Variants in TGFB1 observed in about 807,000 individuals in gnomAD.
TGFB1 encodes the protein transforming growth factor beta-1 proprotein.
In TGFB1, 19 loss-of-function variants were observed where a neutral mutation model predicts 43.8. That is an observed-to-expected ratio of 0.43 (90% CI 0.30 to 0.64). The LOEUF (loss-of-function observed/expected upper bound fraction) is 0.64, where lower values mean the gene tolerates loss of function less well. Ranked by LOEUF, TGFB1 falls within the 30% of genes least tolerant of loss-of-function variation. The probability of loss-of-function intolerance (pLI) is 0.11; values close to 1 mark genes in which losing one functional copy is unlikely to be tolerated. For synonymous variants in TGFB1, 221 were observed against 236.3 expected, an observed-to-expected ratio of 0.94 and a Z score of 0.60; for missense variants, 445 against 529.8, an observed-to-expected ratio of 0.84 and a Z score of 1.57.
At chr19:41,335,473 G>A (rs904242319) in intron 5 of TGFB1, among the ~76,000 whole-genome samples, 9 of 152,164 alleles carry the variant, frequency 5.9e-5, no homozygotes, top group Admixed American at 5.2e-4. Flanking sequence ...CAGGACCAGC[G>A]GCAGCATCAC....
chr19:41,349,926 A>G (rs1475480723), intron 1 of TGFB1, among the ~76,000 whole-genome samples: 1 of 152,056 alleles, frequency 6.6e-6, no homozygotes, highest in Non-Finnish European at 1.5e-5. Context: ...CCAAGGTCAC[A>G]TAGCTGCAGA....
intron 1 of TGFB1, among the ~76,000 whole-genome samples, chr19:41,352,350 C>G (rs1265649691): frequency 2.1e-5 from 3 of 145,754 alleles, no homozygotes; most frequent in East Asian, 2.1e-4. Flanking sequence ...ACGACCCCCC[C>G]CCCCATTCAA....
chr19:41,349,841 A>C (rs1012216465), intron 1 of TGFB1, among the ~76,000 whole-genome samples: 1 of 152,034 alleles, frequency 6.6e-6, no homozygotes, highest in African/African-American at 2.4e-5. Flanking sequence ...AGACATTTAA[A>C]CCTCACAACC....
At chr19:41,346,181 T>C (rs562831522) in intron 2 of TGFB1, among the ~76,000 whole-genome samples, 1 of 152,068 alleles carries the variant, frequency 6.6e-6, no homozygotes, top group East Asian at 1.9e-4. Context: ...AGAAACACCG[T>C]CTCTACTAAA....
rs574688399 is a variant in TGFB1, at chr19:41,350,004, A to T, written c.356-1549T>A. 2.0e-5 allele frequency among the ~76,000 whole-genome samples: 3 copies of T among 151,416 alleles called. No individual in the cohort carries two copies. The East Asian group carries it at 5.8e-4, about 29-fold the overall frequency. ...TTTTTTTTTTCTTCCCCCAAGAGACAGGGTCTCACTCTGTCCCCCAGACGG... is the reference window on the plus strand; with the variant it reads ...TTTTTTTTTTCTTCCCCCAAGAGACTGGGTCTCACTCTGTCCCCCAGACGG... On this transcript the variant is annotated intron_variant, in intron 1 of 6. Transcript: ENST00000221930.
Position 41,342,954 on chromosome 19 carries a change from A to G in TGFB1, c.635-707T>C, listed in dbSNP as rs115652066. Among the ~76,000 whole-genome samples, 1,068 of 150,112 alleles carry G rather than the reference A, an allele frequency of 7.1e-3. 13 individuals are homozygous for G. Among genetic ancestry groups the G allele is most frequent in the African/African-American group, 0.025 (1,007 of 40,816 alleles). Reference sequence around the variant, plus strand: ...GAGCCACTGCACCCAGCCAGCATCAATCTCTTGAATGAATGAGTGAATGAT... The same window carrying G: ...GAGCCACTGCACCCAGCCAGCATCAGTCTCTTGAATGAATGAGTGAATGAT... On this transcript the variant is annotated intron_variant, in intron 3 of 6. Coordinates refer to ENST00000221930, the MANE Select transcript of TGFB1 (RefSeq NM_000660.7).
chr19:41,344,350 T>A (rs2038091890), intron 3 of TGFB1, among the ~76,000 whole-genome samples: 1 of 152,116 alleles, frequency 6.6e-6, no homozygotes, highest in African/African-American at 2.4e-5. Context: ...TCAGCTATGG[T>A]GCCCCTCCTC....
intron 5 of TGFB1, among the ~76,000 whole-genome samples, chr19:41,333,197 CT>C (rs1181371139): frequency 3.5e-5 from 5 of 143,224 alleles, no homozygotes; most frequent in Admixed American, 7.2e-5. Context: ...TTCATTTCTT[CT>C]TTTTTTTTCT....
intron 3 of TGFB1, among the ~76,000 whole-genome samples, chr19:41,342,807 C>T (rs2038073818): frequency 6.6e-6 from 1 of 152,048 alleles, no homozygotes; most frequent in South Asian, 2.1e-4. Context: ...TGAGCCACTG[C>T]ATCCGGCCTA....
rs542695848 is a variant in TGFB1 at position 41,341,831 on chromosome 19, T to C, written c.860+52A>G. ...CAACCTGGAGCACCTGGTCAGCAGA[T>C]GGCAGTCATGCCCCCAGCCTGGAAG... is the stretch of plus-strand genomic sequence containing the variant. On this transcript the variant is annotated intron_variant, in intron 5 of 6. Coordinates refer to ENST00000221930, the MANE Select transcript of TGFB1 (RefSeq NM_000660.7). 2.6e-5 allele frequency: 42 copies of C among 1,611,020 alleles called. No individual in the cohort carries two copies. The East Asian group carries it at 9.1e-4, about 35-fold the overall frequency.
intron 5 of TGFB1, among the ~76,000 whole-genome samples, chr19:41,333,917 C>T (rs1484678456): frequency 1.3e-5 from 2 of 152,178 alleles, no homozygotes; most frequent in Non-Finnish European, 2.9e-5. Context: ...TCTTAATTAC[C>T]GATGACGCTG....
intron 5 of TGFB1, among the ~76,000 whole-genome samples, chr19:41,338,394 T>C (rs886768335): frequency 1.3e-5 from 2 of 149,810 alleles, no homozygotes; most frequent in African/African-American, 4.9e-5. Flanking sequence ...CTCAGGAGGC[T>C]GAAGCAGGAG....
chr19:41,345,395 G>C (rs1171438817), intron 2 of TGFB1, among the ~76,000 whole-genome samples: 1 of 151,982 alleles, frequency 6.6e-6, no homozygotes, highest in East Asian at 1.9e-4. Flanking sequence ...TATTTGGGAG[G>C]CTGAGGCAGG....
At chr19:41,335,682 C>T (rs1440603981) in intron 5 of TGFB1, among the ~76,000 whole-genome samples, 4 of 152,204 alleles carry the variant, frequency 2.6e-5, no homozygotes, top group African/African-American at 9.6e-5. Context: ...TGCCAAGCCT[C>T]TTCCGTCCAG....
At chr19:41,352,455 T>C (rs1321696757) in intron 1 of TGFB1, among the ~76,000 whole-genome samples, 1 of 149,644 alleles carries the variant, frequency 6.7e-6, no homozygotes, top group African/African-American at 2.5e-5. Context: ...TGTCGCACTC[T>C]AGAAGCGGTC....
chr19:41,352,943 C>T lies in TGFB1; in HGVS notation c.102G>A (p.Lys34=). ...GRPAAGLSTC[K]TIDMELVKRK... is the part of the protein sequence containing the mutation. The stretch of plus-strand genomic sequence containing the variant: ...GCTTCACCAGCTCCATGTCGATAGT[C>T]TTGCAGGTGGATAGTCCCGCGGCCG... The change falls in exon 1 of 7, where the codon AAG becomes AAA. Residue 34 remains lysine (K), a synonymous_variant. Coordinates refer to ENST00000221930, the MANE Select transcript of TGFB1 (RefSeq NM_000660.7). 1 of 1,553,666 alleles carries T rather than the reference C, an allele frequency of 6.4e-7. No homozygotes were observed. Among genetic ancestry groups the T allele is most frequent in the South Asian group, 1.2e-5 (1 of 85,150 alleles).
At chr19:41,348,569 G>C in intron 1 of TGFB1, 114 bp from the exon 2 acceptor site, 1 of 634,576 alleles carries the variant, frequency 1.6e-6, no homozygotes, top group Non-Finnish European at 2.6e-6. Context: ...GTCAGTCTCT[G>C]ATACCTTTTA....
chr19:41,344,951 C>T, intron 2 of TGFB1, 87 bp from the exon 3 acceptor site: 1 of 1,278,284 alleles, frequency 7.8e-7, no homozygotes, highest in Non-Finnish European at 1.1e-6. Flanking sequence ...ACCCCATCTG[C>T]TTCCCCAAAC....
At chr19:41,349,338 C>A (rs2038155346) in intron 1 of TGFB1, among the ~76,000 whole-genome samples, 1 of 152,200 alleles carries the variant, frequency 6.6e-6, no homozygotes, top group Non-Finnish European at 1.5e-5. Flanking sequence ...TCTCTCTGAG[C>A]CAGGTGTAAG....
Sources: gnomAD v4.1 joint callset for allele counts (sites outside exome capture counted in the v4.1 genomes callset) on GRCh38, gnomAD v4.1.1 for gene constraint, MANE v1.5 for transcripts, NCBI Gene and HGNC (gene_info 2026-07-23, HGNC 2026-07-21) for gene names.